Variants in TNFRSF13B observed in about 807,000 individuals in gnomAD.
The protein encoded by TNFRSF13B is tumor necrosis factor receptor superfamily member 13B.
In TNFRSF13B, 34 loss-of-function variants were observed where a neutral mutation model predicts 24.0. That is an observed-to-expected ratio of 1.41 (90% confidence interval 1.08 to 1.88). The LOEUF (loss-of-function observed/expected upper bound fraction) is 1.88, where lower values mean the gene tolerates loss of function less well. Ranked by LOEUF, TNFRSF13B falls within the 40% of genes most tolerant of loss-of-function variation. TNFRSF13B has a pLI of 0.00. For synonymous variants in TNFRSF13B, 173 were observed against 150.3 expected, an observed-to-expected ratio of 1.15 and a Z score of -1.10; for missense variants, 415 against 380.8, an observed-to-expected ratio of 1.09 and a Z score of -0.75.
At chr17:16,950,864 C>T (rs1046740357) in intron 2 of TNFRSF13B, among the ~76,000 whole-genome samples, 6 of 152,170 alleles carry the variant, frequency 3.9e-5, no homozygotes, top group Admixed American at 6.5e-5. Context: ...ATCTGATTTC[C>T]GCATTCTGTG....
chr17:16,947,840 T>C (rs2087559652), intron 3 of TNFRSF13B, among the ~76,000 whole-genome samples: 1 of 152,214 alleles, frequency 6.6e-6, no homozygotes, highest in African/African-American at 2.4e-5. Flanking sequence ...AGCAATCCCA[T>C]TACTGGGTAT....
chr17:16,955,210 G>A (rs1324495312), intron 1 of TNFRSF13B, among the ~76,000 whole-genome samples: 1 of 152,156 alleles, frequency 6.6e-6, no homozygotes, highest in Non-Finnish European at 1.5e-5. Context: ...CAATGGCCAA[G>A]GGTCACCTGA....
chr17:16,953,013 G>A (rs889041776), intron 1 of TNFRSF13B, among the ~76,000 whole-genome samples: 1 of 152,174 alleles, frequency 6.6e-6, no homozygotes, highest in African/African-American at 2.4e-5. Context: ...TGATCTCCAA[G>A]GGAAGCCTTT....
intron 3 of TNFRSF13B, among the ~76,000 whole-genome samples, chr17:16,945,411 G>T (rs1039265413): frequency 6.6e-6 from 1 of 152,248 alleles, no homozygotes; most frequent in African/African-American, 2.4e-5. Context: ...TTTTGCTGTT[G>T]CAGAGGGGAC....
At chr17:16,942,748 G>A (rs1209223527) in intron 3 of TNFRSF13B, among the ~76,000 whole-genome samples, 1 of 152,180 alleles carries the variant, frequency 6.6e-6, no homozygotes, top group Non-Finnish European at 1.5e-5. Context: ...CTAAACATTT[G>A]TGCATATTTC....
intron 4 of TNFRSF13B, chr17:16,940,072 T>C: frequency 9.1e-7 from 1 of 1,093,214 alleles, no homozygotes; most frequent in Non-Finnish European, 1.3e-6. Context: ...CCCTGAAGGC[T>C]CTGCATCTGG....
In TNFRSF13B at chr17:16,939,379, G is replaced by T; in HGVS notation, c.*168C>A. The T allele has an allele frequency of 3.9e-6, 3 of 766,014 alleles. No individual in the cohort carries two copies. Among genetic ancestry groups the T allele is most frequent in the Non-Finnish European group, 3.9e-6 (2 of 517,990 alleles). 47.5% of individuals were successfully genotyped at this position (766,014 alleles called of 1,614,324 possible). ...TCCCTCTCTGCCTCTCTTCCCCTCT[G>T]TCTCTCTCTCCCTCTGTCTCTCTCT... is the stretch of plus-strand genomic sequence containing the variant. On this transcript the variant is annotated 3_prime_UTR_variant, in exon 5 of 5. Coordinates refer to ENST00000261652, the MANE Select transcript of TNFRSF13B (RefSeq NM_012452.3).
At chr17:16,940,824 C>T (rs1044062068) in intron 3 of TNFRSF13B, 27 of 1,285,172 alleles carry the variant, frequency 2.1e-5, no homozygotes, top group African/African-American at 1.1e-4. Context: ...AATCGACAGA[C>T]GAACAGACGA....
Position 16,970,476 on chromosome 17 carries a change from C to CA in TNFRSF13B, c.61+1538dup, listed in dbSNP as rs555914225. 4.6e-4 allele frequency among the ~76,000 whole-genome samples: 70 copies of CA among 152,306 alleles called. 1 individual carries two copies. In the South Asian group the frequency reaches 0.015, roughly 32 times the overall value. On this transcript the variant is annotated intron_variant, in intron 1 of 4. Coordinates refer to ENST00000261652, the MANE Select transcript of TNFRSF13B (RefSeq NM_012452.3). Reference sequence around the variant, plus strand: ...TCTGTGGTCGGATTAGTTTGAAAAACACTGGGTTAAAGAAAGTCAAGGCAG... The same window carrying CA: ...TCTGTGGTCGGATTAGTTTGAAAAACAACTGGGTTAAAGAAAGTCAAGGCAG...
chr17:16,941,376 GA>G, intron 3 of TNFRSF13B: 3 of 987,662 alleles, frequency 3.0e-6, no homozygotes, highest in Non-Finnish European at 3.6e-6. Flanking sequence ...TCCAGGTTTG[GA>G]TGCCAGAGAC....
In TNFRSF13B at chr17:16,972,002, C is replaced by T. The variant is rs1293149347; in HGVS notation, c.61+13G>A. 1 of 1,613,958 alleles carries T rather than the reference C, an allele frequency of 6.2e-7. No individual in the cohort carries two copies. Among genetic ancestry groups the T allele is most frequent in the Non-Finnish European group, 8.5e-7 (1 of 1,180,010 alleles). ...TCCCACCTGCCCTCCTGCCCTCCTG[C>T]CCGGCTACTCACAGCGCTCCTCCTG... On this transcript the variant is annotated intron_variant, in intron 1 of 4. Coordinates refer to ENST00000261652, the MANE Select transcript of TNFRSF13B (RefSeq NM_012452.3).
chr17:16,972,110 T>A lies in TNFRSF13B; in HGVS notation c.-35A>T, dbSNP rs2087749722. The A allele has an allele frequency of 6.2e-7, 1 of 1,612,688 alleles. No homozygotes were observed. Among genetic ancestry groups the A allele is most frequent in the African/African-American group, 1.3e-5 (1 of 74,930 alleles). The stretch of plus-strand genomic sequence containing the variant: ...TGCTTATTACTAGTCTTAGATTTGA[T>A]TAGTGCTTGGGCTGCACTTCCTGGG... On this transcript the variant is annotated 5_prime_UTR_variant, in exon 1 of 5. Transcript: ENST00000261652.
chr17:16,960,494 C>G (rs557607545), intron 1 of TNFRSF13B, among the ~76,000 whole-genome samples: 1 of 152,324 alleles, frequency 6.6e-6, no homozygotes, highest in African/African-American at 2.4e-5. Flanking sequence ...AAAACCCTAA[C>G]AATTCCATTC....
At chr17:16,941,845 T>C (rs1227607558) in intron 3 of TNFRSF13B, among the ~76,000 whole-genome samples, 1 of 152,216 alleles carries the variant, frequency 6.6e-6, no homozygotes, top group South Asian at 2.1e-4. Context: ...ACATTTCATA[T>C]TAATGAAATC....
At chr17:16,961,288 G>T (rs2087660680) in intron 1 of TNFRSF13B, among the ~76,000 whole-genome samples, 1 of 152,188 alleles carries the variant, frequency 6.6e-6, no homozygotes, top group South Asian at 2.1e-4. Context: ...ACAGATACTT[G>T]TGCCCCAACA....
chr17:16,970,631 C>A (rs2087737133), intron 1 of TNFRSF13B, among the ~76,000 whole-genome samples: 2 of 152,286 alleles, frequency 1.3e-5, no homozygotes, highest in East Asian at 3.9e-4. Flanking sequence ...TCATTTTACA[C>A]TGAGGGGAAG....
intron 3 of TNFRSF13B, among the ~76,000 whole-genome samples, chr17:16,942,806 A>C (rs1244827800): frequency 6.6e-6 from 1 of 152,256 alleles, no homozygotes; most frequent in Non-Finnish European, 1.5e-5. Flanking sequence ...GAGACCATGC[A>C]AGTGTTCAGA....
intron 3 of TNFRSF13B, among the ~76,000 whole-genome samples, chr17:16,942,196 G>A (rs1052263503): frequency 5.9e-5 from 9 of 152,094 alleles, no homozygotes; most frequent in Admixed American, 1.3e-4. Flanking sequence ...AGCATCTGCC[G>A]TTCACACTCC....
rs770524541 is a variant in TNFRSF13B, at chr17:16,939,765, T to C, written c.664A>G (p.Thr222Ala). Residue 222 changes from threonine to alanine, a missense_variant, in exon 5 of 5, where the codon ACA (threonine) becomes GCA (alanine). Thr to Ala is a moderately conservative substitution (Grantham distance 58, BLOSUM62 0). Coordinates refer to ENST00000261652, the MANE Select transcript of TNFRSF13B (RefSeq NM_012452.3). ...HAMEAGSPVS[T>A]SPEPVETCSF... Reference sequence around the variant, plus strand: ...CAGGTCTCCACTGGCTCGGGGGATGTGCTCACAGGGCTGCCGGCTTCCATC... The same window carrying C: ...CAGGTCTCCACTGGCTCGGGGGATGCGCTCACAGGGCTGCCGGCTTCCATC... The C allele has an allele frequency of 6.2e-7, 1 of 1,611,414 alleles. No individual in the cohort carries two copies. Among genetic ancestry groups the C allele is most frequent in the Non-Finnish European group, 8.5e-7 (1 of 1,178,862 alleles).
Sources: gnomAD v4.1 joint callset for allele counts (sites outside exome capture counted in the v4.1 genomes callset) on GRCh38, gnomAD v4.1.1 for gene constraint, MANE v1.5 for transcripts, NCBI Gene and HGNC (gene_info 2026-07-23, HGNC 2026-07-21) for gene names.